The following GLRA1 variants were observed in gnomAD, a reference collection of about 807,000 sequenced individuals.
The protein encoded by GLRA1 is glycine receptor subunit alpha-1.
GLRA1 carries 37 observed loss-of-function variants against 48.3 expected under a neutral mutation model. The ratio of observed to expected loss-of-function variants is 0.77; its 90% CI spans 0.59 to 1.01. The LOEUF is 1.01. GLRA1 is among the 50% of genes least tolerant of loss of function. GLRA1 has a pLI of 0.00. For missense variants in GLRA1, 427 were observed against 571.0 expected, an observed-to-expected ratio of 0.75 and a Z score of 2.57; for synonymous variants, 196 against 210.7, an observed-to-expected ratio of 0.93 and a Z score of 0.60.
intron 7 of GLRA1, among the ~76,000 whole-genome samples, chr5:151,831,035 A>G (rs1763407928): frequency 6.6e-6 from 1 of 152,200 alleles, no homozygotes; most frequent in Non-Finnish European, 1.5e-5. Context: ...TCACCCAGAA[A>G]GCACAAGGGG....
At chr5:151,828,222 G>A (rs1763328780) in intron 8 of GLRA1, among the ~76,000 whole-genome samples, 1 of 152,216 alleles carries the variant, frequency 6.6e-6, no homozygotes, top group South Asian at 2.1e-4. Context: ...AAAATCCTGT[G>A]TGTATGTTTG....
chr5:151,877,216 T>C (rs1054769218), intron 3 of GLRA1, among the ~76,000 whole-genome samples: 2 of 152,214 alleles, frequency 1.3e-5, no homozygotes, highest in Non-Finnish European at 2.9e-5. Context: ...TGTGTGTTGA[T>C]ACGGAAATGC....
At chr5:151,919,559 T>G (rs1479493123) in intron 1 of GLRA1, among the ~76,000 whole-genome samples, 2 of 152,238 alleles carry the variant, frequency 1.3e-5, no homozygotes, top group African/African-American at 2.4e-5. Flanking sequence ...TACCTCGATG[T>G]GGCTATTTCT....
intron 3 of GLRA1, among the ~76,000 whole-genome samples, chr5:151,869,741 AAAC>A (rs1273800272): frequency 1.3e-5 from 2 of 149,504 alleles, no homozygotes; most frequent in Non-Finnish European, 2.9e-5. Context: ...AACAAAAACA[AAAC>A]AACAACAACA....
intron 1 of GLRA1, among the ~76,000 whole-genome samples, chr5:151,909,332 C>G (rs1289742172): frequency 1.3e-5 from 2 of 152,148 alleles, no homozygotes; most frequent in Non-Finnish European, 2.9e-5. Context: ...CCCAAAGGCA[C>G]CATCTTTTCT....
chr5:151,857,421 C>A (rs946097483), intron 4 of GLRA1, among the ~76,000 whole-genome samples: 1 of 152,184 alleles, frequency 6.6e-6, no homozygotes. Context: ...AGGCCAGGGG[C>A]TGCCCCTGTT....
At chr5:151,843,349 C>T (rs865867193) in intron 7 of GLRA1, among the ~76,000 whole-genome samples, 1 of 151,052 alleles carries the variant, frequency 6.6e-6, no homozygotes, top group African/African-American at 2.4e-5. Context: ...CAAGCTCTGC[C>T]TCCCGGGTTC....
intron 6 of GLRA1, among the ~76,000 whole-genome samples, chr5:151,854,371 C>T (rs2113348665): frequency 1.3e-5 from 2 of 152,350 alleles, no homozygotes; most frequent in Admixed American, 1.3e-4. Flanking sequence ...TGCCTCTCTA[C>T]TCTGTGCATC....
intron 5 of GLRA1, among the ~76,000 whole-genome samples, chr5:151,855,978 C>T (rs528172015): frequency 3.9e-5 from 6 of 152,302 alleles, no homozygotes; most frequent in African/African-American, 1.4e-4. Context: ...GTTTACCTCC[C>T]CTGCTGGAGT....
intron 8 of GLRA1, 24 bp downstream of exon 8, chr5:151,828,897 T>A: frequency 6.2e-7 from 1 of 1,610,776 alleles, no homozygotes; most frequent in Non-Finnish European, 8.5e-7. Context: ...CTGTCCCTCC[T>A]TAGGCAGTGA....
intron 3 of GLRA1, among the ~76,000 whole-genome samples, chr5:151,862,313 A>T (rs971862477): frequency 2.0e-5 from 3 of 152,256 alleles, no homozygotes; most frequent in African/African-American, 7.2e-5. Context: ...TGTTAGACCT[A>T]AAACCATTAA....
intron 1 of GLRA1, among the ~76,000 whole-genome samples, chr5:151,908,853 C>G (rs764282844): frequency 2.6e-5 from 4 of 152,162 alleles, no homozygotes. Context: ...CTCAGAGTCT[C>G]TATCTACTTT....
intron 1 of GLRA1, among the ~76,000 whole-genome samples, chr5:151,897,964 T>C (rs1460977800): frequency 2.0e-5 from 3 of 152,194 alleles, no homozygotes; most frequent in Non-Finnish European, 4.4e-5. Context: ...TTTGTCACAC[T>C]AAGAGATTTT....
rs1763473210 is a variant in GLRA1, at chr5:151,833,292, C to T, written c.913-4225G>A. On this transcript the variant is annotated intron_variant, in intron 7 of 8. Transcript: ENST00000274576. ...TCATAATGATAGGATCAAATTCACA[C>T]ATAACAATATTAATCTTAAATGTAA... 2.6e-5 allele frequency among the ~76,000 whole-genome samples: 4 copies of T among 152,144 alleles called. No individual in the cohort carries two copies. The South Asian group carries it at 8.3e-4, about 32-fold the overall frequency.
chr5:151,835,047 AAAAGAG>A (rs1244138533), intron 7 of GLRA1, among the ~76,000 whole-genome samples: 1 of 150,260 alleles, frequency 6.7e-6, no homozygotes, highest in Non-Finnish European at 1.5e-5. Context: ...AAAAAAAAAA[AAAAGAG>A]AAGAATGAAA....
chr5:151,886,877 A>G (rs1273405546), intron 2 of GLRA1, 89 bp from the exon 3 acceptor site: 1 of 949,134 alleles, frequency 1.1e-6, no homozygotes, highest in Non-Finnish European at 1.7e-6. Flanking sequence ...GACTTCTGGA[A>G]TGGATCGCCT....
intron 1 of GLRA1, among the ~76,000 whole-genome samples, chr5:151,904,640 C>T (rs1414607096): frequency 1.3e-5 from 2 of 152,190 alleles, no homozygotes; most frequent in African/African-American, 4.8e-5. Context: ...CAGGCTCTGG[C>T]TTTTGCTAGC....
chr5:151,900,328 TC>T, intron 1 of GLRA1, among the ~76,000 whole-genome samples: 1 of 152,188 alleles, frequency 6.6e-6, no homozygotes, highest in Non-Finnish European at 1.5e-5. Context: ...CGGAGCTTGG[TC>T]TACAGGGTGG....
rs372281333 is a variant in GLRA1 at position 151,923,553 on chromosome 5, C to T, written c.56+941G>A. On this transcript the variant is annotated intron_variant, in intron 1 of 8. Coordinates refer to ENST00000274576, the MANE Select transcript of GLRA1 (RefSeq NM_000171.4). Reference sequence around the variant, plus strand: ...TATAAGTGGAATTTATCATAGCCATCTCTGAAGATGGTATGATTCACACAC... The same window carrying T: ...TATAAGTGGAATTTATCATAGCCATTTCTGAAGATGGTATGATTCACACAC... Among the ~76,000 whole-genome samples, 15 of 152,296 alleles carry T rather than the reference C, an allele frequency of 9.8e-5. No homozygotes were observed. The East Asian group carries it at 2.9e-3, about 29-fold the overall frequency.
Sources: allele counts gnomAD v4.1 joint callset (sites outside exome capture counted in the v4.1 genomes callset), GRCh38; gene constraint gnomAD v4.1.1; transcripts MANE v1.5; gene names NCBI Gene and HGNC (gene_info 2026-07-23, HGNC 2026-07-21).